USP15: variants seen among roughly 807,000 people sequenced by gnomAD.
USP15 encodes ubiquitin carboxyl-terminal hydrolase 15.
USP15 carries 18 observed loss-of-function variants against 127.1 expected under a neutral mutation model. The observed-to-expected ratio is 0.14, with a 90% CI of 0.10 to 0.21. The LOEUF is 0.21. Among genes scored for constraint, USP15 ranks in the 10% least tolerant of loss-of-function variants. The pLI, the probability that USP15 is intolerant of heterozygous loss-of-function variation, is 1.00. For missense variants in USP15, 805 were observed against 1,159.9 expected, an observed-to-expected ratio of 0.69 and a Z score of 4.44; for synonymous variants, 364 against 393.7, an observed-to-expected ratio of 0.92 and a Z score of 0.89.
intron 1 of USP15, among the ~76,000 whole-genome samples, chr12:62,275,683 G>T (rs139050893): frequency 1.7e-4 from 26 of 152,174 alleles, no homozygotes; most frequent in Non-Finnish European, 1.5e-5. Context: ...GTAGGAAAAG[G>T]TCTCCAAGGA....
chr12:62,316,538 C>A (rs2064835259), intron 4 of USP15, among the ~76,000 whole-genome samples: 1 of 151,944 alleles, frequency 6.6e-6, no homozygotes, highest in African/African-American at 2.4e-5. Context: ...TAAGGGTAGT[C>A]TGTTAAAATT....
At chr12:62,374,422 A>C (rs1319045475) in intron 8 of USP15, 1 of 985,702 alleles carries the variant, frequency 1.0e-6, no homozygotes, top group African/African-American at 1.7e-5. Context: ...AGCATACATG[A>C]TCACTTGAGA....
intron 1 of USP15, among the ~76,000 whole-genome samples, chr12:62,289,215 CTTGTTGTTGTTG>C (rs143937716): frequency 3.3e-5 from 5 of 150,540 alleles, no homozygotes; most frequent in Admixed American, 1.3e-4. Flanking sequence ...CTCTCCTGAG[CTTGTTGTTGTTG>C]TTGTTGTTGT....
chr12:62,308,651 C>T (rs1592553781), intron 3 of USP15, among the ~76,000 whole-genome samples: 1 of 152,110 alleles, frequency 6.6e-6, no homozygotes, highest in East Asian at 1.9e-4. Context: ...GATTAACCAC[C>T]ATAACCTAAT....
At chr12:62,378,852 T>C (rs1295810158) in intron 8 of USP15, among the ~76,000 whole-genome samples, 4 of 152,092 alleles carry the variant, frequency 2.6e-5, no homozygotes, top group Non-Finnish European at 5.9e-5. Flanking sequence ...TGCCAAACAT[T>C]GAAGGAAAAG....
intron 11 of USP15, among the ~76,000 whole-genome samples, chr12:62,386,616 T>G (rs138889637): frequency 6.6e-6 from 1 of 152,000 alleles, no homozygotes. Flanking sequence ...AAAGAACTTA[T>G]GGGAGAAGAG....
intron 6 of USP15, among the ~76,000 whole-genome samples, chr12:62,340,070 A>ATTGG (rs1157162584): frequency 2.0e-5 from 3 of 152,112 alleles, no homozygotes; most frequent in Non-Finnish European, 4.4e-5. Flanking sequence ...AGAACTTGTT[A>ATTGG]TTGGTCTATT....
chr12:62,308,519 A>G (rs2064556709), intron 3 of USP15, among the ~76,000 whole-genome samples: 2 of 151,896 alleles, frequency 1.3e-5, no homozygotes, highest in South Asian at 4.1e-4. Flanking sequence ...CCCTCGGATC[A>G]CTCACTCTGG....
intron 8 of USP15, among the ~76,000 whole-genome samples, chr12:62,355,688 T>G (rs1397285276): frequency 6.6e-6 from 1 of 151,834 alleles, no homozygotes; most frequent in Admixed American, 6.6e-5. Flanking sequence ...ATTAACATAA[T>G]GTACAAGATT....
At chr12:62,345,918 C>T (rs919789891) in intron 6 of USP15, among the ~76,000 whole-genome samples, 3 of 152,130 alleles carry the variant, frequency 2.0e-5, no homozygotes, top group South Asian at 2.1e-4. Flanking sequence ...GACCCGCCCC[C>T]GTGATTCAAT....
intron 5 of USP15, among the ~76,000 whole-genome samples, chr12:62,322,353 G>A (rs1307627401): frequency 1.3e-5 from 2 of 151,984 alleles, no homozygotes; most frequent in East Asian, 3.9e-4. Flanking sequence ...GGCCAGAATG[G>A]TCTCGATCTC....
chr12:62,325,964 T>A, intron 6 of USP15, 31 bp downstream of exon 6: 1 of 1,585,720 alleles, frequency 6.3e-7, no homozygotes, highest in East Asian at 2.3e-5. Context: ...TGGCTTATTG[T>A]ATGATTTTGA....
At chr12:62,327,494 A>G (rs1948826803) in intron 6 of USP15, among the ~76,000 whole-genome samples, 1 of 152,136 alleles carries the variant, frequency 6.6e-6, no homozygotes, top group Non-Finnish European at 1.5e-5. Context: ...TTAGATTGCT[A>G]TGTACTTGCT....
intron 1 of USP15, among the ~76,000 whole-genome samples, chr12:62,262,186 C>T (rs906710189): frequency 6.6e-6 from 1 of 151,766 alleles, no homozygotes; most frequent in African/African-American, 2.4e-5. Flanking sequence ...TGCAGTGAGC[C>T]GAGATCCGGC....
intron 1 of USP15, among the ~76,000 whole-genome samples, chr12:62,261,134 G>C (rs1320624499): frequency 1.2e-4 from 19 of 152,118 alleles, no homozygotes; most frequent in Admixed American, 1.2e-3. Flanking sequence ...GTGCTTTAGT[G>C]GTGGCTTGAT....
rs766946340 is a variant in USP15 at position 62,384,289 on chromosome 12, C to G, written c.1460C>G (p.Thr487Ser). Residue 487 changes from threonine (T) to serine (S), a missense_variant, in exon 11 of 22, where the codon ACC becomes AGC. Thr to Ser is a moderately conservative substitution (Grantham distance 58). This residue lies in a region of USP15 where 82 missense variants were observed against 104.4 expected (regional missense o/e 0.79). Transcript: ENST00000280377. ...TACTTAGTTAGAATGGATCCACTTA[C>G]CAAACCTATGCAGGTAAATCATGGG... Reference protein sequence around the residue: ...EVYLVRMDPLTKPMQYKVVVP... With the variant: ...EVYLVRMDPLSKPMQYKVVVP... The G allele has an allele frequency of 1.9e-6, 3 of 1,604,976 alleles. No homozygotes were observed. The highest frequency in any genetic ancestry group is 1.7e-5 in the Admixed American group (1 of 59,286).
intron 2 of USP15, among the ~76,000 whole-genome samples, chr12:62,298,841 A>AG (rs2064214054): frequency 6.6e-6 from 1 of 151,330 alleles, no homozygotes; most frequent in Admixed American, 6.6e-5. Flanking sequence ...AAAAAAAAAA[A>AG]AAAAAAAAAA....
intron 1 of USP15, among the ~76,000 whole-genome samples, chr12:62,266,493 A>G (rs1288001301): frequency 6.6e-6 from 1 of 152,168 alleles, no homozygotes; most frequent in African/African-American, 2.4e-5. Context: ...AGTGGAAGAT[A>G]CAATGATAAT....
intron 8 of USP15, among the ~76,000 whole-genome samples, chr12:62,360,882 T>C (rs1406650919): frequency 6.6e-6 from 1 of 151,772 alleles, no homozygotes; most frequent in Non-Finnish European, 1.5e-5. Flanking sequence ...AGAAATTACA[T>C]AGCAAATTGT....
Sources: gnomAD v4.1 joint callset for allele counts (sites outside exome capture counted in the v4.1 genomes callset) on GRCh38, gnomAD v4.1.1 for gene constraint, gnomAD v4.1.1 regional missense constraint, MANE v1.5 for transcripts, NCBI Gene and HGNC (gene_info 2026-07-23, HGNC 2026-07-21) for gene names.